Variants in PPIG observed in about 807,000 individuals in gnomAD.
PPIG encodes peptidylprolyl isomerase G.
PPIG carries 26 observed loss-of-function variants against 87.9 expected under a neutral mutation model. The observed-to-expected ratio is 0.30, with a 90% confidence interval of 0.22 to 0.41. The LOEUF is 0.41. PPIG is among the 10% of genes least tolerant of loss of function. The pLI is 1.00. For synonymous variants in PPIG, 308 were observed against 276.5 expected (o/e 1.11, Z -1.13); for missense variants, 722 against 879.4 (o/e 0.82, Z 2.26).
At chr2:169,584,610 C>G (rs1262885253) in intron 1 of PPIG, 120 bp downstream of exon 1, 1 of 432,756 alleles carries the variant, frequency 2.3e-6, no homozygotes, top group African/African-American at 2.1e-5. Context: ...TTGGGTTTAC[C>G]GTCTTTCCCT....
intron 9 of PPIG, among the ~76,000 whole-genome samples, chr2:169,618,858 C>G (rs1174826237): frequency 6.7e-6 from 1 of 148,596 alleles, no homozygotes; most frequent in Non-Finnish European, 1.5e-5. Context: ...TTTTGTTTCT[C>G]TTATTTCCTT....
At chr2:169,593,646 A>T (rs1407401826) in intron 1 of PPIG, among the ~76,000 whole-genome samples, 3 of 125,370 alleles carry the variant, frequency 2.4e-5, no homozygotes, top group Admixed American at 9.7e-5. Flanking sequence ...ATGCTGCTTT[A>T]TATCTTTTTT....
intron 12 of PPIG, among the ~76,000 whole-genome samples, chr2:169,634,763 T>C (rs1237078690): frequency 6.6e-6 from 1 of 152,162 alleles, no homozygotes; most frequent in East Asian, 1.9e-4. Context: ...ATTCAGAAAT[T>C]CATGTGTTTC....
chr2:169,598,845 A>C lies in PPIG; in HGVS notation c.-69-4797A>C, dbSNP rs1199867293. ...TAAATACAGGTAAATATTTATATGT[A>C]TATAAATACAGGTAAATATATTTAT... is the stretch of plus-strand genomic sequence containing the variant. On this transcript the variant is annotated intron_variant, in intron 1 of 13. Transcript: ENST00000260970. Among the ~76,000 whole-genome samples the C allele has an allele frequency of 7.4e-5, 11 of 149,040 alleles. No homozygotes were observed. In the South Asian group the frequency reaches 1.1e-3, roughly 14 times the overall value.
rs1686050469 is a variant in PPIG, at chr2:169,631,480, A to G, written c.762-286A>G. On this transcript the variant is annotated intron_variant, in intron 10 of 13. Transcript: ENST00000260970. ...CTTTACCCATGTTTTAAAGTATTTT[A>G]AATTTATCAGAGTGCATTGCTCACA... The G allele has an allele frequency of 4.1e-5, 33 of 805,858 alleles. No individual in the cohort carries two copies. The South Asian group carries it at 9.0e-4, about 22-fold the overall frequency. 49.9% of individuals were successfully genotyped at this position (805,858 alleles called of 1,614,324 possible).
At chr2:169,589,781 T>G (rs1489217865) in intron 1 of PPIG, among the ~76,000 whole-genome samples, 1 of 152,122 alleles carries the variant, frequency 6.6e-6, no homozygotes, top group Non-Finnish European at 1.5e-5. Context: ...GAGAATTTAC[T>G]GACTACAGAT....
In PPIG at chr2:169,636,174, A is replaced by G; in HGVS notation, c.1100A>G (p.Gln367Arg). 1 of 1,613,100 alleles carries G rather than the reference A, an allele frequency of 6.2e-7. No homozygotes were observed. Among genetic ancestry groups the G allele is most frequent in the Non-Finnish European group, 8.5e-7 (1 of 1,179,700 alleles). ...CCTCCACATTGGAGGCAAGAGATGC[A>G]GAGAGCTCAAAGAATGAGGGTATCA... ...ETPPHWRQEMQRAQRMRVSSG... is the reference protein window; with the variant it reads ...ETPPHWRQEMRRAQRMRVSSG... Residue 367 changes from glutamine (Q) to arginine (R), a missense_variant, in exon 13 of 14, where the codon CAG becomes CGG. Physicochemically the swap from Gln to Arg is conservative, Grantham distance 43 (BLOSUM62 1). Coordinates refer to ENST00000260970, the MANE Select transcript of PPIG (RefSeq NM_004792.3).
rs1685255823 is a variant in PPIG, at chr2:169,604,111, A to G, written c.61+9A>G. 1 of 1,611,556 alleles carries G rather than the reference A, an allele frequency of 6.2e-7. No homozygotes were observed. Among genetic ancestry groups the G allele is most frequent in the East Asian group, 2.2e-5 (1 of 44,834 alleles). ...CATTAACAATCAACCTGGTAAGAAT[A>G]TTAGTTGACATTTATAAATGGGTGT... On this transcript the variant is annotated intron_variant, in intron 3 of 13. Coordinates refer to ENST00000260970, the MANE Select transcript of PPIG (RefSeq NM_004792.3).
chr2:169,593,674 C>T lies in PPIG; in HGVS notation c.-70+9184C>T, dbSNP rs184980179. 6.2e-4 allele frequency among the ~76,000 whole-genome samples: 67 copies of T among 107,676 alleles called. 1 individual carries two copies. In the East Asian group the frequency reaches 0.017, roughly 27 times the overall value. The allele number at this position is 107,676 out of a possible 152,430, so 70.6% of individuals were successfully genotyped here. A position where few individuals can be genotyped will look rare whatever the true frequency, so the allele number is the denominator to read the frequency against. Reference sequence around the variant, plus strand: ...TCTTTTTTTTTTTTTTTTTTTGAGACGGAGTCTCATTCTGTCACCCAGGTT... The same window carrying T: ...TCTTTTTTTTTTTTTTTTTTTGAGATGGAGTCTCATTCTGTCACCCAGGTT... On this transcript the variant is annotated intron_variant, in intron 1 of 13. Coordinates refer to ENST00000260970, the MANE Select transcript of PPIG (RefSeq NM_004792.3).
rs114321786 is a variant in PPIG at position 169,637,182 on chromosome 2, G to A, written c.1924G>A (p.Asp642Asn). The change falls in exon 14 of 14, where the codon GAC (aspartate) becomes AAC (asparagine). Residue 642 changes from aspartate (D) to asparagine (N), a missense_variant. Coordinates refer to ENST00000260970, the MANE Select transcript of PPIG (RefSeq NM_004792.3). ...EREESQSRNKDKYRNQESKSS... is the reference protein window; with the variant it reads ...EREESQSRNKNKYRNQESKSS... ...AGAAGAAAGTCAAAGCAGAAACAAA[G>A]ACAAATACAGAAACCAAGAGAGTAA... 16 of 1,613,062 alleles carry A rather than the reference G, an allele frequency of 9.9e-6. No homozygotes were observed. Among genetic ancestry groups the A allele is most frequent in the Non-Finnish European group, 1.4e-5 (16 of 1,179,764 alleles).
At chr2:169,591,920 ATTTTTTTTTTTTT>A (rs3067016) in intron 1 of PPIG, among the ~76,000 whole-genome samples, 2 of 87,408 alleles carry the variant, frequency 2.3e-5, no homozygotes, top group African/African-American at 4.7e-5. Flanking sequence ...GCAATTCATG[ATTTTTTTTTTTTT>A]TTTTTTTTTT....
Position 169,630,891 on chromosome 2 carries a change from C to T in PPIG, c.665C>T (p.Ala222Val). 6.2e-7 allele frequency: 1 copy of T among 1,610,652 alleles called. No individual in the cohort carries two copies. Among genetic ancestry groups the T allele is most frequent in the Non-Finnish European group, 8.5e-7 (1 of 1,179,076 alleles). The change falls in exon 10 of 14, where the codon GCT becomes GTT. Residue 222 changes from alanine (A) to valine (V), a missense_variant. Physicochemically the swap from Ala to Val is moderately conservative, Grantham distance 64. Coordinates refer to ENST00000260970, the MANE Select transcript of PPIG (RefSeq NM_004792.3). Reference sequence around the variant, plus strand: ...TCTGATTCCTCTGATTCCGAAAGTGCTACTGAAGAGAAATCAAAGAAAAGA... The same window carrying T: ...TCTGATTCCTCTGATTCCGAAAGTGTTACTGAAGAGAAATCAAAGAAAAGA... ...SSSDSSDSES[A>V]TEEKSKKRKK...
chr2:169,631,567 C>G, intron 10 of PPIG, 199 bp from the exon 11 acceptor site: 1 of 1,329,098 alleles, frequency 7.5e-7, no homozygotes, highest in Non-Finnish European at 9.6e-7. Context: ...ATAATCGAAA[C>G]GTTTTGTTTT....
intron 9 of PPIG, among the ~76,000 whole-genome samples, chr2:169,619,170 T>C (rs1685679178): frequency 6.6e-6 from 1 of 152,204 alleles, no homozygotes; most frequent in Admixed American, 6.5e-5. Context: ...TCCATGTAAT[T>C]GTGCAGTTTT....
At chr2:169,600,909 C>T (rs1012778192) in intron 1 of PPIG, among the ~76,000 whole-genome samples, 5 of 149,686 alleles carry the variant, frequency 3.3e-5, no homozygotes, top group African/African-American at 1.0e-4. Flanking sequence ...AATACATGAA[C>T]ATATTCTTAT....
intron 4 of PPIG, among the ~76,000 whole-genome samples, chr2:169,605,762 G>C (rs531558924): frequency 6.6e-6 from 1 of 152,074 alleles, no homozygotes; most frequent in African/African-American, 2.4e-5. Context: ...TCGTGCCACC[G>C]CACTGTAGCC....
intron 9 of PPIG, among the ~76,000 whole-genome samples, chr2:169,616,078 T>A (rs1558895141): frequency 6.6e-6 from 1 of 152,204 alleles, no homozygotes; most frequent in Non-Finnish European, 1.5e-5. Flanking sequence ...AACTTCCACT[T>A]TTGAGTGAGA....
chr2:169,607,212 A>G (rs560968951), intron 6 of PPIG, 64 bp downstream of exon 6: 12 of 1,049,318 alleles, frequency 1.1e-5, no homozygotes, highest in East Asian at 7.5e-5. Context: ...TTTATTCTCT[A>G]TGGAATCAAT....
At chr2:169,614,389 T>C in intron 7 of PPIG, 75 bp from the exon 8 acceptor site, 1 of 1,328,450 alleles carries the variant, frequency 7.5e-7, no homozygotes, top group Non-Finnish European at 1.1e-6. Context: ...AGTTATTTTC[T>C]TTTTCTTTTT....
Sources: allele counts gnomAD v4.1 joint callset (sites outside exome capture counted in the v4.1 genomes callset), GRCh38; gene constraint gnomAD v4.1.1; transcripts MANE v1.5; gene names NCBI Gene and HGNC (gene_info 2026-07-23, HGNC 2026-07-21).